The following SLC6A5 variants were observed in gnomAD, a reference collection of about 807,000 sequenced individuals.
SLC6A5 encodes the protein solute carrier family 6 member 5, also known as sodium- and chloride-dependent glycine transporter 2.
Under a neutral mutation model 90.5 loss-of-function variants are expected in SLC6A5, and 58 were observed. The observed-to-expected ratio is 0.64, with a 90% CI of 0.52 to 0.80. SLC6A5 has a LOEUF of 0.80. Among genes scored for constraint, SLC6A5 ranks in the 30% least tolerant of loss-of-function variants. SLC6A5 has a pLI of 0.00. For missense variants in SLC6A5, 1,015 were observed against 1,017.6 expected (o/e 1.00, Z 0.03); for synonymous variants, 427 against 401.4 (o/e 1.06, Z -0.76).
At chr11:20,645,955 T>C (rs967054032) in intron 13 of SLC6A5, among the ~76,000 whole-genome samples, 6 of 152,166 alleles carry the variant, frequency 3.9e-5, no homozygotes, top group African/African-American at 1.4e-4. Flanking sequence ...GTTTTTAAGC[T>C]GAGGCCATGT....
At chr11:20,634,898 G>C (rs1393645400) in intron 10 of SLC6A5, among the ~76,000 whole-genome samples, 1 of 152,134 alleles carries the variant, frequency 6.6e-6, no homozygotes, top group Non-Finnish European at 1.5e-5. Context: ...ACATTCACTT[G>C]TCTCTGCCCA....
chr11:20,626,391 C>G (rs1852994464), intron 7 of SLC6A5, among the ~76,000 whole-genome samples: 1 of 152,092 alleles, frequency 6.6e-6, no homozygotes, highest in Non-Finnish European at 1.5e-5. Flanking sequence ...CCCCCTCCCT[C>G]CTTCTCTCTG....
At chr11:20,619,824 C>A (rs1470025703) in intron 7 of SLC6A5, among the ~76,000 whole-genome samples, 1 of 152,138 alleles carries the variant, frequency 6.6e-6, no homozygotes. Context: ...TCAGTTTCCC[C>A]TTCTGTAAAA....
chr11:20,650,614 T>C (rs1853506159), intron 14 of SLC6A5, among the ~76,000 whole-genome samples: 1 of 150,280 alleles, frequency 6.7e-6, no homozygotes, highest in Admixed American at 6.6e-5. Context: ...AGCCTGCTGG[T>C]CTCCGGGGTC....
intron 14 of SLC6A5, among the ~76,000 whole-genome samples, chr11:20,647,184 A>T (rs1036760381): frequency 6.7e-6 from 1 of 148,348 alleles, no homozygotes; most frequent in Non-Finnish European, 1.5e-5. Context: ...AACATTTCCT[A>T]TGGCACATTT....
Position 20,608,763 on chromosome 11 carries a change from C to T in SLC6A5, c.985+1111C>T, listed in dbSNP as rs1852630556. ...TCTTAGTGCTGCCCTCCAAAACCAG[C>T]TTTTTTCATGATGGAACTAGGACAC... is the stretch of plus-strand genomic sequence containing the variant. On this transcript the variant is annotated intron_variant, in intron 5 of 15. Transcript: ENST00000525748. Among the ~76,000 whole-genome samples the T allele has an allele frequency of 2.6e-5, 4 of 152,104 alleles. No individual in the cohort carries two copies. In the South Asian group the frequency reaches 8.3e-4, roughly 32 times the overall value.
In SLC6A5 at chr11:20,601,269, G is replaced by C. The variant is rs770858199; in HGVS notation, c.144G>C (p.Pro48=). The change falls in exon 2 of 16, where the codon CCG becomes CCC. Residue 48 remains proline, a synonymous_variant. Transcript: ENST00000525748. ...QELPAAAAPP[P]PRVPRSASTG... is the part of the protein sequence containing the mutation. ...TTCCCGCGGCTGCCGCCCCGCCGCC[G>C]CCACGTGTGCCCAGGTCCGCTTCCA... 2 of 1,585,280 alleles carry C rather than the reference G, an allele frequency of 1.3e-6. No individual in the cohort carries two copies. Among genetic ancestry groups the C allele is most frequent in the African/African-American group, 1.3e-5 (1 of 74,638 alleles).
intron 7 of SLC6A5, among the ~76,000 whole-genome samples, chr11:20,618,129 G>C (rs1221333218): frequency 1.3e-5 from 2 of 152,100 alleles, no homozygotes; most frequent in African/African-American, 4.8e-5. Flanking sequence ...GGGATGGTGG[G>C]GGGTACTCTG....
At chr11:20,618,811 C>A (rs1852834016) in intron 7 of SLC6A5, among the ~76,000 whole-genome samples, 1 of 152,002 alleles carries the variant, frequency 6.6e-6, no homozygotes, top group Non-Finnish European at 1.5e-5. Context: ...GTGGGGGGCA[C>A]CTGTAGTCCC....
At chr11:20,618,812 C>G (rs1231127351) in intron 7 of SLC6A5, among the ~76,000 whole-genome samples, 2 of 152,070 alleles carry the variant, frequency 1.3e-5, no homozygotes, top group East Asian at 3.9e-4. Context: ...TGGGGGGCAC[C>G]TGTAGTCCCT....
At chr11:20,651,208 T>A (rs1369463801) in intron 14 of SLC6A5, among the ~76,000 whole-genome samples, 1 of 49,292 alleles carries the variant, frequency 2.0e-5, no homozygotes, top group Non-Finnish European at 3.9e-5. Flanking sequence ...CTCCCTCCCC[T>A]TCCCTTCCCT....
At position 20,657,050 on chromosome 11, in the gene SLC6A5, CAATT is replaced by C. The variant is rs1853645646; in HGVS notation, c.*2184_*2187del. The C allele has an allele frequency of 6.6e-6, 1 of 152,172 alleles. No individual in the cohort carries two copies. Among genetic ancestry groups the C allele is most frequent in the Non-Finnish European group, 1.5e-5 (1 of 68,044 alleles). The allele number at this position is 152,172 out of a possible 1,614,324, so 9.4% of individuals were successfully genotyped here. On this transcript the variant is annotated 3_prime_UTR_variant, in exon 16 of 16. Coordinates refer to ENST00000525748, the MANE Select transcript of SLC6A5 (RefSeq NM_004211.5). ...GAAGGTTGAGAAAGAGAGCTTAAAT[CAATT>C]AGCATTCTCTCATGGGACTGGTATG...
At position 20,626,797 on chromosome 11, in the gene SLC6A5, C is replaced by A. The variant is rs1166356719; in HGVS notation, c.1350C>A (p.Ile450=). 6.2e-7 allele frequency: 1 copy of A among 1,613,998 alleles called. No individual in the cohort carries two copies. Among genetic ancestry groups the A allele is most frequent in the Admixed American group, 1.7e-5 (1 of 60,024 alleles). ...GVTLPGAGAG[I]WYFITPKWEK... ...CCCTGCCTGGAGCTGGAGCTGGGATCTGGTACTTCATCACACCCAAGTGGG... is the reference window on the plus strand; with the variant it reads ...CCCTGCCTGGAGCTGGAGCTGGGATATGGTACTTCATCACACCCAAGTGGG... The change falls in exon 8 of 16, where the codon ATC becomes ATA. Residue 450 remains isoleucine (I), a synonymous_variant. Transcript: ENST00000525748.
rs1853660252 is a variant in SLC6A5, at chr11:20,658,172, T to C, written c.*3304T>C. On this transcript the variant is annotated 3_prime_UTR_variant, in exon 16 of 16. Coordinates refer to ENST00000525748, the MANE Select transcript of SLC6A5 (RefSeq NM_004211.5). ...CTTTAATTAAGTTCTTGTTTCCTCA[T>C]CTATGTGTCTCTCAGTGCTTCCTGT... 1 of 152,208 alleles carries C rather than the reference T, an allele frequency of 6.6e-6. No homozygotes were observed. Among genetic ancestry groups the C allele is most frequent in the South Asian group, 2.1e-4 (1 of 4,834 alleles). The allele number at this position is 152,208 out of a possible 1,614,324, so 9.4% of individuals were successfully genotyped here. A position where few individuals can be genotyped will look rare whatever the true frequency, so the allele number is the denominator to read the frequency against.
In SLC6A5 at chr11:20,652,344, G is replaced by T. The variant is rs1408524137; in HGVS notation, c.2126G>T (p.Arg709Leu). 6.2e-7 allele frequency: 1 copy of T among 1,613,856 alleles called. No homozygotes were observed. Among genetic ancestry groups the T allele is most frequent in the Admixed American group, 1.7e-5 (1 of 59,992 alleles). Residue 709 changes from arginine (R) to leucine (L), a missense_variant, in exon 15 of 16, where the codon CGC becomes CTC. Around this residue, in one of 3 missense-constraint regions of SLC6A5, gnomAD observed 442 missense variants for 494.3 expected, o/e 0.89. Coordinates refer to ENST00000525748, the MANE Select transcript of SLC6A5 (RefSeq NM_004211.5). ...QWEPMTYGSYRYPNWSMVLGW... is the reference protein window; with the variant it reads ...QWEPMTYGSYLYPNWSMVLGW... ...GAGCCCATGACCTATGGCTCTTACC[G>T]CTATCCTAACTGGTCCATGGTGCTC...
chr11:20,613,850 G>C (rs181329183), intron 5 of SLC6A5, among the ~76,000 whole-genome samples: 164 of 151,956 alleles, frequency 1.1e-3, no homozygotes, highest in Non-Finnish European at 2.0e-3. Context: ...TCTTTGTTGT[G>C]GGGGGCTGTC....
chr11:20,650,848 A>G (rs7115429), intron 14 of SLC6A5, among the ~76,000 whole-genome samples: 57,482 of 151,322 alleles, frequency 0.38, 12,786 homozygotes, highest in East Asian at 0.84. Context: ...TTGTATTTTT[A>G]GTAGAGACGG....
intron 7 of SLC6A5, among the ~76,000 whole-genome samples, chr11:20,624,474 C>A (rs1852952656): frequency 7.1e-6 from 1 of 141,340 alleles, no homozygotes; most frequent in Non-Finnish European, 1.6e-5. Context: ...TTCTTCATCT[C>A]AGCTCTAAAC....
intron 2 of SLC6A5, among the ~76,000 whole-genome samples, chr11:20,603,535 T>C (rs3781735): frequency 0.27 from 41,717 of 152,058 alleles, 5,910 homozygotes; most frequent in South Asian, 0.38. Context: ...AGCTGGTTAG[T>C]AGCAAAATTT....
Sources: gnomAD v4.1 joint callset for allele counts (sites outside exome capture counted in the v4.1 genomes callset) on GRCh38, gnomAD v4.1.1 for gene constraint, gnomAD v4.1.1 regional missense constraint, MANE v1.5 for transcripts, NCBI Gene and HGNC (gene_info 2026-07-23, HGNC 2026-07-21) for gene names.